ACSM3: variants seen among roughly 807,000 people sequenced by gnomAD.
The protein encoded by ACSM3 is acyl-coenzyme A synthetase ACSM3, mitochondrial.
ACSM3 carries 61 observed loss-of-function variants against 74.1 expected under a neutral mutation model. The ratio of observed to expected loss-of-function variants is 0.82; its 90% CI spans 0.67 to 1.02. The LOEUF (loss-of-function observed/expected upper bound fraction) is 1.02, where lower values mean the gene tolerates loss of function less well. Ranked by LOEUF, ACSM3 falls within the 50% of genes least tolerant of loss-of-function variation. ACSM3 has a pLI of 0.00. For synonymous variants in ACSM3, 213 were observed against 241.5 expected, an observed-to-expected ratio of 0.88 and a Z score of 1.09; for missense variants, 660 against 697.0, an observed-to-expected ratio of 0.95 and a Z score of 0.60.
At chr16:20,738,318 A>G (rs1246515804) in intron 1 of ACSM3, 4 of 416,016 alleles carry the variant, frequency 9.6e-6, no homozygotes, top group African/African-American at 6.3e-5. Flanking sequence ...TACAAAAAAA[A>G]AAAAAAAAAA....
upstream of ACSM3, among the ~76,000 whole-genome samples, chr16:20,760,059 C>A (rs1303382534): frequency 6.6e-6 from 1 of 152,096 alleles, no homozygotes; most frequent in African/African-American, 2.4e-5. Context: ...GGAGTTCAAG[C>A]ACAACTGACC....
At chr16:20,676,388 C>T (rs891204369) in intron 1 of ACSM3, among the ~76,000 whole-genome samples, 2 of 152,180 alleles carry the variant, frequency 1.3e-5, no homozygotes, top group Middle Eastern at 3.2e-3. Context: ...CAGATAAAAG[C>T]ACCAGCCAGT....
intron 1 of ACSM3, chr16:20,741,951 G>A (rs1391191170): frequency 1.3e-6 from 2 of 1,530,498 alleles, no homozygotes; most frequent in Non-Finnish European, 8.7e-7. Context: ...CTCCTGCCCC[G>A]CCTCCCGACT....
chr16:20,695,434 C>T (rs1346696866), intron 1 of ACSM3, among the ~76,000 whole-genome samples: 1 of 151,942 alleles, frequency 6.6e-6, no homozygotes, highest in African/African-American at 2.4e-5. Context: ...AGTAGTTAAG[C>T]CAGAGGAAAA....
At chr16:20,739,934 A>C (rs1471231976) in intron 1 of ACSM3, among the ~76,000 whole-genome samples, 1 of 152,188 alleles carries the variant, frequency 6.6e-6, no homozygotes, top group Non-Finnish European at 1.5e-5. Context: ...GGCAGAGAGA[A>C]ACGTGCTGAC....
intron 1 of ACSM3, chr16:20,739,104 A>AC: frequency 6.2e-7 from 1 of 1,605,772 alleles, no homozygotes; most frequent in Non-Finnish European, 8.5e-7. Flanking sequence ...CAGAAATGAC[A>AC]CAACAGCTCA....
At chr16:20,791,929 A>C in intron 10 of ACSM3, 73 bp from the exon 11 acceptor site, 1 of 1,238,684 alleles carries the variant, frequency 8.1e-7, no homozygotes, top group Non-Finnish European at 1.1e-6. Context: ...CTGTCTCGGA[A>C]AAAAAAAAAA....
At chr16:20,682,272 A>T (rs1413171488) in intron 1 of ACSM3, 1 of 1,613,196 alleles carries the variant, frequency 6.2e-7, no homozygotes, top group Admixed American at 1.7e-5. Context: ...AGCGATCGGA[A>T]GTCCAGCCAC....
chr16:20,707,262 G>T (rs922753049), intron 1 of ACSM3, among the ~76,000 whole-genome samples: 4 of 152,222 alleles, frequency 2.6e-5, no homozygotes, highest in African/African-American at 7.2e-5. Flanking sequence ...CCTGCCCAGG[G>T]ACCCACTGTG....
chr16:20,795,011 C>G (rs2080690849), intron 12 of ACSM3, among the ~76,000 whole-genome samples: 1 of 152,196 alleles, frequency 6.6e-6, no homozygotes, highest in South Asian at 2.1e-4. Flanking sequence ...TCACTTACAA[C>G]AAGCATAATT....
rs375944305 is a variant in ACSM3 at position 20,682,479 on chromosome 16, G to A, written c.-190+7657G>A. 4 of 1,606,292 alleles carry A rather than the reference G, an allele frequency of 2.5e-6. No individual in the cohort carries two copies. The African/African-American group carries it at 4.0e-5, about 16-fold the overall frequency. On this transcript the variant is annotated intron_variant, in intron 1 of 3. Coordinates refer to the ACSM3 transcript ENST00000561584. ...AAGATGATCCCTGGGGATGAGAAAG[G>A]AACTGATTGTTTTGGTTTCTTTTTC...
At position 20,744,217 on chromosome 16, in the gene ACSM3, C is replaced by T. The variant is rs186640487; in HGVS notation, c.-189-5693C>T. 4.4e-3 allele frequency among the ~76,000 whole-genome samples: 664 copies of T among 152,232 alleles called. 3 individuals are homozygous for T. Among genetic ancestry groups the T allele is most frequent in the Non-Finnish European group, 7.4e-3 (504 of 68,008 alleles). On this transcript the variant is annotated intron_variant, in intron 1 of 3. Transcript: ENST00000561584. ...AAGAGGATTCTTCTTCCAAGGAAGC[C>T]AAAAGATTGGACATCCCTGGCCTAC...
intron 1 of ACSM3, chr16:20,741,479 C>CCGGG: frequency 2.3e-6 from 3 of 1,329,524 alleles, no homozygotes; most frequent in Non-Finnish European, 2.9e-6. Flanking sequence ...GCCTGGCAGC[C>CCGGG]GGCCCGCCCG....
intron 1 of ACSM3, among the ~76,000 whole-genome samples, chr16:20,768,110 T>C (rs764265621): frequency 2.8e-4 from 42 of 152,304 alleles, no homozygotes; most frequent in Non-Finnish European, 5.0e-4. Context: ...CCTATTCTAG[T>C]AGAGAGTAAT....
intron 1 of ACSM3, chr16:20,741,479 C>CCGGGGGGG: frequency 3.8e-6 from 5 of 1,329,522 alleles, no homozygotes; most frequent in Non-Finnish European, 2.9e-6. Flanking sequence ...GCCTGGCAGC[C>CCGGGGGGG]GGCCCGCCCG....
rs1410824739 is a variant in ACSM3 at position 20,786,157 on chromosome 16, AG to A, written c.1224+1del. ...AAACCTTCTCCTGCTTTCGATGTTA[AG>A]GTTTGCACATCCCCTTCCAGGAGAA... Reference protein sequence around the residue: ...MGKPSPAFDVKIVDVNGNVLP... With the variant: ...MGKPSPAFDVXIVDVNGNVLP... On this transcript the variant is annotated frameshift_variant and splice_region_variant, in exon 9 of 14. Transcript: ENST00000289416. LOFTEE classifies it high-confidence loss of function. 2 of 1,609,238 alleles carry A rather than the reference AG, an allele frequency of 1.2e-6. No individual in the cohort carries two copies. The highest frequency in any genetic ancestry group is 2.7e-5 in the African/African-American group (2 of 74,590).
chr16:20,720,152 G>C (rs1215269325), intron 1 of ACSM3, among the ~76,000 whole-genome samples: 1 of 152,110 alleles, frequency 6.6e-6, no homozygotes, highest in Non-Finnish European at 1.5e-5. Context: ...ATTTTTCCAT[G>C]GTCAAGTGGG....
Position 20,675,550 on chromosome 16 carries a change from G to A in ACSM3, c.-190+728G>A, listed in dbSNP as rs1023829712. Among the ~76,000 whole-genome samples, 5 of 152,298 alleles carry A rather than the reference G, an allele frequency of 3.3e-5. No homozygotes were observed. In the East Asian group the frequency reaches 5.8e-4, roughly 18 times the overall value. Reference sequence around the variant, plus strand: ...GGGAGGAAATGGGAGGAAAAGCATGGAAACCAACTCCTTTTGGAGTGCATG... The same window carrying A: ...GGGAGGAAATGGGAGGAAAAGCATGAAAACCAACTCCTTTTGGAGTGCATG... On this transcript the variant is annotated intron_variant, in intron 1 of 3. Transcript: ENST00000561584.
At chr16:20,747,883 G>A (rs2079964490) in intron 1 of ACSM3, among the ~76,000 whole-genome samples, 1 of 152,230 alleles carries the variant, frequency 6.6e-6, no homozygotes, top group South Asian at 2.1e-4. Flanking sequence ...GCTCACGCCT[G>A]TAATCCTAGC....
Sources: allele counts gnomAD v4.1 joint callset (sites outside exome capture counted in the v4.1 genomes callset), GRCh38; gene constraint gnomAD v4.1.1; transcripts MANE v1.5; gene names NCBI Gene and HGNC (gene_info 2026-07-23, HGNC 2026-07-21).